GSPT1: variants seen among roughly 807,000 people sequenced by gnomAD.
GSPT1 encodes G1 to S phase transition 1.
A neutral mutation model predicts 72.5 loss-of-function variants in GSPT1; 20 were observed. The ratio of observed to expected loss-of-function variants is 0.28; its 90% CI spans 0.19 to 0.40. The LOEUF (loss-of-function observed/expected upper bound fraction) is 0.40. Ranked by LOEUF, GSPT1 falls within the 10% of genes least tolerant of loss-of-function variation. The pLI is 1.00. For synonymous variants in GSPT1, 334 were observed against 293.5 expected (o/e 1.14, Z -1.41); for missense variants, 580 against 811.9 (o/e 0.71, Z 3.47).
At chr16:11,892,503 T>C (rs552302828) in intron 5 of GSPT1, among the ~76,000 whole-genome samples, 109 of 52,404 alleles carry the variant, frequency 2.1e-3, no homozygotes, top group African/African-American at 0.011. Flanking sequence ...GGAGACCCTT[T>C]CTCAAAAAAA....
rs778745690 is a variant in GSPT1 at position 11,887,562 on chromosome 16, T to C, written c.957+8A>G. The C allele has an allele frequency of 5.6e-6, 9 of 1,612,066 alleles. No individual in the cohort carries two copies. Among genetic ancestry groups the C allele is most frequent in the East Asian group, 2.2e-5 (1 of 44,882 alleles). On this transcript the variant is annotated splice_region_variant and intron_variant, in intron 7 of 14. Transcript: ENST00000434724. Reference sequence around the variant, plus strand: ...AATATACAGATGGACTGGAAATGTCTTTCTTACCAGCACAGCCAAATCAGC... The same window carrying C: ...AATATACAGATGGACTGGAAATGTCCTTCTTACCAGCACAGCCAAATCAGC...
intron 8 of GSPT1, 22 bp downstream of exon 8, chr16:11,886,755 A>G: frequency 1.2e-6 from 2 of 1,605,226 alleles, no homozygotes; most frequent in African/African-American, 1.3e-5. Context: ...ACTAACATAA[A>G]ATACCAGACA....
Position 11,871,695 on chromosome 16 carries a change from CTTAT to C in GSPT1, c.*1420_*1423del, listed in dbSNP as rs1213127303. On this transcript the variant is annotated 3_prime_UTR_variant, in exon 15 of 15. Transcript: ENST00000434724. ...ACTTGTCATTAAATATACAAAGTAT[CTTAT>C]TTAGAGAGAAATCACAATCTAAAAG... 1 of 152,158 alleles carries C rather than the reference CTTAT, an allele frequency of 6.6e-6. No homozygotes were observed. The highest frequency in any genetic ancestry group is 1.5e-5 in the Non-Finnish European group (1 of 68,026). The allele number at this position is 152,158 out of a possible 1,614,324, so 9.4% of individuals were successfully genotyped here. A position where few individuals can be genotyped will look rare whatever the true frequency, so the allele number is the denominator to read the frequency against.
At position 11,877,594 on chromosome 16, in the gene GSPT1, C is replaced by G. The variant is rs184130992; in HGVS notation, c.1429-14G>C. The stretch of plus-strand genomic sequence containing the variant: ...TTCCACGTTGTGCTTTAAAAGAAAA[C>G]AAGACTGGAGGTTTTCTGACACATT... On this transcript the variant is annotated splice_polypyrimidine_tract_variant and intron_variant, in intron 11 of 14. Coordinates refer to ENST00000434724, the MANE Select transcript of GSPT1 (RefSeq NM_002094.4). The surrounding 1 kb of genome is among the most constrained non-coding windows in gnomAD (Gnocchi z 4.0). 17 of 1,555,920 alleles carry G rather than the reference C, an allele frequency of 1.1e-5. No homozygotes were observed. In the East Asian group the frequency reaches 3.4e-4, roughly 31 times the overall value.
At chr16:11,904,637 T>C (rs890494485) in intron 1 of GSPT1, among the ~76,000 whole-genome samples, 9 of 151,886 alleles carry the variant, frequency 5.9e-5, no homozygotes, top group Non-Finnish European at 7.4e-5. Flanking sequence ...CATACGTCAG[T>C]CAAGGCCACA....
chr16:11,881,199 T>G (rs2054118247), intron 11 of GSPT1: 1 of 152,256 alleles, frequency 6.6e-6, no homozygotes, highest in Non-Finnish European at 1.5e-5. Context: ...ACCAGCTGCC[T>G]CTATGTCTTT....
intron 1 of GSPT1, 96 bp downstream of exon 1, chr16:11,915,273 G>A: frequency 8.2e-7 from 1 of 1,213,488 alleles, no homozygotes; most frequent in Non-Finnish European, 1.0e-6. Flanking sequence ...CCCACGTGCC[G>A]ACCGGGCCCC....
intron 14 of GSPT1, among the ~76,000 whole-genome samples, chr16:11,874,293 TA>T (rs35780761): frequency 4.8e-4 from 70 of 145,554 alleles, no homozygotes; most frequent in Admixed American, 1.2e-3. Flanking sequence ...ATAAAGCTGC[TA>T]AAAAAAAAAA....
intron 14 of GSPT1, among the ~76,000 whole-genome samples, chr16:11,875,191 A>G (rs2054031305): frequency 6.6e-6 from 1 of 152,080 alleles, no homozygotes; most frequent in African/African-American, 2.4e-5. Context: ...TCCATCTCAA[A>G]AAAAGGAAAG....
chr16:11,876,628 A>G (rs2054050932), intron 12 of GSPT1, among the ~76,000 whole-genome samples: 2 of 152,134 alleles, frequency 1.3e-5, no homozygotes, highest in African/African-American at 4.8e-5. Context: ...CCTAAATCCC[A>G]GCTACTCAGG....
rs1183063317 is a variant in GSPT1, at chr16:11,872,000, T to C, written c.*1119A>G. 6.6e-6 allele frequency: 1 copy of C among 152,244 alleles called. No individual in the cohort carries two copies. The highest frequency in any genetic ancestry group is 1.9e-4 in the East Asian group (1 of 5,206). 9.4% of individuals were successfully genotyped at this position (152,244 alleles called of 1,614,324 possible). A position where few individuals can be genotyped will look rare whatever the true frequency, so the allele number is the denominator to read the frequency against. On this transcript the variant is annotated 3_prime_UTR_variant, in exon 15 of 15. Transcript: ENST00000434724. ...TGATTCTGCTTATCGCTGATAATTT[T>C]AGTCTGTTCAGATTCTGATGATTCT...
intron 1 of GSPT1, among the ~76,000 whole-genome samples, chr16:11,914,373 A>T (rs1253499784): frequency 6.6e-6 from 1 of 152,228 alleles, no homozygotes; most frequent in Non-Finnish European, 1.5e-5. Context: ...AGCACCTGCA[A>T]GCATGCTACC....
rs1031419381 is a variant in GSPT1, at chr16:11,887,501, A to T, written c.957+69T>A. The T allele has an allele frequency of 2.3e-6, 3 of 1,278,622 alleles. No individual in the cohort carries two copies. The African/African-American group carries it at 4.4e-5, about 19-fold the overall frequency. 79.2% of individuals were successfully genotyped at this position (1,278,622 alleles called of 1,614,324 possible). A position where few individuals can be genotyped will look rare whatever the true frequency, so the allele number is the denominator to read the frequency against. ...CCTGAATTTGAGCTTTTAGAAGATA[A>T]ATTCAAATTTAAAGATATAAGCGGG... On this transcript the variant is annotated intron_variant, in intron 7 of 14. Coordinates refer to ENST00000434724, the MANE Select transcript of GSPT1 (RefSeq NM_002094.4).
intron 1 of GSPT1, among the ~76,000 whole-genome samples, chr16:11,901,974 T>C (rs533350531): frequency 2.0e-5 from 3 of 151,356 alleles, no homozygotes; most frequent in South Asian, 2.1e-4. Flanking sequence ...CTTGTGCCTG[T>C]AATCCCAGCT....
chr16:11,896,646 TTCC>T lies in GSPT1; in HGVS notation c.573_575del (p.Glu194del). 4 of 1,609,838 alleles carry T rather than the reference TTCC, an allele frequency of 2.5e-6. No individual in the cohort carries two copies. The highest frequency in any genetic ancestry group is 3.4e-6 in the Non-Finnish European group (4 of 1,177,912). On this transcript the variant is annotated inframe_deletion, in exon 4 of 15. Transcript: ENST00000434724. ...CAGACTTAGGTTTTGGGATTTCCTCTTCCTCCTCCATCATTTCATGGGCACTTT... is the reference window on the plus strand; with the variant it reads ...CAGACTTAGGTTTTGGGATTTCCTCTTCCTCCATCATTTCATGGGCACTTT...
chr16:11,885,770 C>T (rs1035366034), intron 9 of GSPT1, among the ~76,000 whole-genome samples: 1 of 151,988 alleles, frequency 6.6e-6, no homozygotes, highest in Non-Finnish European at 1.5e-5. Flanking sequence ...CATGTGCCTA[C>T]AGTCCCTACG....
intron 1 of GSPT1, among the ~76,000 whole-genome samples, chr16:11,909,785 C>T (rs534664535): frequency 1.1e-4 from 17 of 152,084 alleles, no homozygotes; most frequent in African/African-American, 2.9e-4. Context: ...ATTAGCTGGG[C>T]GTGGTGGCGG....
intron 6 of GSPT1, among the ~76,000 whole-genome samples, chr16:11,889,073 C>A (rs1008218507): frequency 2.0e-5 from 3 of 152,076 alleles, no homozygotes; most frequent in Non-Finnish European, 4.4e-5. Context: ...TTCTAGGAGG[C>A]TGAGGCAGGC....
At chr16:11,895,287 T>C (rs568376487) in intron 4 of GSPT1, 8 of 216,262 alleles carry the variant, frequency 3.7e-5, no homozygotes, top group Admixed American at 1.1e-4. Flanking sequence ...AAAAATTAGC[T>C]AGGCGTGGTG....
Sources: allele counts gnomAD v4.1 joint callset (sites outside exome capture counted in the v4.1 genomes callset), GRCh38; gene constraint gnomAD v4.1.1; non-coding constraint Gnocchi (gnomAD v3.1); transcripts MANE v1.5; gene names NCBI Gene and HGNC (gene_info 2026-07-23, HGNC 2026-07-21).